ARHGEF18: variants seen among roughly 807,000 people sequenced by gnomAD.
The protein encoded by ARHGEF18 is rho guanine nucleotide exchange factor 18.
Under a neutral mutation model 155.7 loss-of-function variants are expected in ARHGEF18, and 93 were observed. The ratio of observed to expected loss-of-function variants is 0.60; its 90% CI spans 0.50 to 0.71. The LOEUF (loss-of-function observed/expected upper bound fraction) is 0.71. Ranked by LOEUF, ARHGEF18 falls within the 30% of genes least tolerant of loss-of-function variation. The pLI, the probability that ARHGEF18 is intolerant of heterozygous loss-of-function variation, is 0.00. For synonymous variants in ARHGEF18, 742 were observed against 753.1 expected, an observed-to-expected ratio of 0.99 and a Z score of 0.24; for missense variants, 1,593 against 1,816.1, an observed-to-expected ratio of 0.88 and a Z score of 2.23.
At chr19:7,445,289 T>G (rs1974917685) in intron 14 of ARHGEF18, among the ~76,000 whole-genome samples, 1 of 151,982 alleles carries the variant, frequency 6.6e-6, no homozygotes. Context: ...CTACAAAACA[T>G]GAAAATAAAT....
intron 2 of ARHGEF18, among the ~76,000 whole-genome samples, chr19:7,370,622 C>A (rs368095085): frequency 3.5e-4 from 54 of 152,302 alleles, no homozygotes; most frequent in African/African-American, 1.2e-3. Context: ...TATCTGCACA[C>A]TGATGTTGAT....
intron 10 of ARHGEF18, among the ~76,000 whole-genome samples, chr19:7,402,953 A>T (rs1972096493): frequency 6.6e-6 from 1 of 152,186 alleles, no homozygotes; most frequent in Non-Finnish European, 1.5e-5. Context: ...CAAATTTAAA[A>T]TTGGGATAAT....
chr19:7,426,489 A>G (rs1208174725), intron 10 of ARHGEF18, among the ~76,000 whole-genome samples: 8 of 150,596 alleles, frequency 5.3e-5, no homozygotes, highest in Non-Finnish European at 1.0e-4. Context: ...TCTGTCTCAA[A>G]AAAAAAAAAA....
At chr19:7,447,550 G>A (rs1975075929) in intron 15 of ARHGEF18, among the ~76,000 whole-genome samples, 1 of 152,010 alleles carries the variant, frequency 6.6e-6, no homozygotes, top group South Asian at 2.1e-4. Context: ...ATTCTTCACT[G>A]TGGGGTTTTT....
At chr19:7,443,549 C>G (rs1333806986) in intron 13 of ARHGEF18, among the ~76,000 whole-genome samples, 1 of 152,142 alleles carries the variant, frequency 6.6e-6, no homozygotes. Flanking sequence ...GGTTCTCTCC[C>G]CTTAGGACCT....
At chr19:7,416,530 CGTGTGTGTGTGTGTGTGTGTGTGTGTGT>C (rs71179108) in intron 10 of ARHGEF18, among the ~76,000 whole-genome samples, 2 of 105,910 alleles carry the variant, frequency 1.9e-5, no homozygotes, top group Admixed American at 1.1e-4. Context: ...GGAGAAAATT[CGTGTGTGTGTGTGTGTGTGTGTGTGTGT>C]GTGTGTGTGT....
At position 7,417,589 on chromosome 19, in the gene ARHGEF18, C is replaced by T. The variant is rs186057643; in HGVS notation, c.968-22755C>T. Reference sequence around the variant, plus strand: ...GCGCACGCCTGTAATCCCAGCTACTCGGGAGACTGAGGCATGACAATCACC... The same window carrying T: ...GCGCACGCCTGTAATCCCAGCTACTTGGGAGACTGAGGCATGACAATCACC... On this transcript the variant is annotated intron_variant, in intron 10 of 28. Coordinates refer to ENST00000668164, the MANE Select transcript of ARHGEF18 (RefSeq NM_001367823.1). Among the ~76,000 whole-genome samples, 197 of 152,164 alleles carry T rather than the reference C, an allele frequency of 1.3e-3. 1 individual carries two copies. The highest frequency in any genetic ancestry group is 1.5e-3 in the Non-Finnish European group (103 of 68,012).
intron 8 of ARHGEF18, 140 bp from the exon 9 acceptor site, chr19:7,382,652 G>A: frequency 2.3e-6 from 1 of 441,762 alleles, no homozygotes; most frequent in Non-Finnish European, 3.8e-6. Context: ...GAAGGAGGAA[G>A]TCAAGGGCCA....
In ARHGEF18 at chr19:7,444,058, A is replaced by G; in HGVS notation, c.1361-146A>G. The G allele has an allele frequency of 9.7e-7, 1 of 1,032,000 alleles. No individual in the cohort carries two copies. Among genetic ancestry groups the G allele is most frequent in the South Asian group, 1.7e-5 (1 of 60,538 alleles). 63.9% of individuals were successfully genotyped at this position (1,032,000 alleles called of 1,614,324 possible). ...GCATTCTAAACCCTGGACACCCTGGAAGTAAGAAAGATCCCAAAGGCACAA... is the reference window on the plus strand; with the variant it reads ...GCATTCTAAACCCTGGACACCCTGGGAGTAAGAAAGATCCCAAAGGCACAA... On this transcript the variant is annotated intron_variant, in intron 13 of 28. Coordinates refer to ENST00000668164, the MANE Select transcript of ARHGEF18 (RefSeq NM_001367823.1). This position sits in a 1 kb window ranked among gnomAD's most constrained non-coding sequence, Gnocchi z 4.7.
At chr19:7,478,811 G>A in the ARHGEF18 span, among the ~76,000 whole-genome samples, 2 of 152,238 alleles carry the variant, frequency 1.3e-5, no homozygotes, top group Non-Finnish European at 2.9e-5. Context: ...GTCCAAATCA[G>A]TGCCATGCCA....
chr19:7,398,733 T>TG (rs1568298109), intron 10 of ARHGEF18, among the ~76,000 whole-genome samples: 4 of 150,838 alleles, frequency 2.7e-5, no homozygotes, highest in African/African-American at 9.9e-5. Flanking sequence ...AAGAGATTCT[T>TG]TGGTTCCTTC....
chr19:7,436,580 A>T (rs1443087468), intron 10 of ARHGEF18, among the ~76,000 whole-genome samples: 2 of 152,060 alleles, frequency 1.3e-5, no homozygotes, highest in Non-Finnish European at 2.9e-5. Context: ...ACCCAGCCAG[A>T]TGCTATTTTT....
At chr19:7,355,855 C>G (rs897688237) in intron 1 of ARHGEF18, among the ~76,000 whole-genome samples, 7 of 152,158 alleles carry the variant, frequency 4.6e-5, no homozygotes, top group Admixed American at 2.0e-4. Context: ...TTCTCCAGGG[C>G]CCCCTGGAAT....
At chr19:7,362,355 G>C (rs1413369879) in intron 1 of ARHGEF18, among the ~76,000 whole-genome samples, 3 of 151,766 alleles carry the variant, frequency 2.0e-5, no homozygotes, top group Non-Finnish European at 4.4e-5. Context: ...AGGAGGAGGA[G>C]GAAAAACAAT....
At chr19:7,396,583 C>T (rs747815943) in intron 10 of ARHGEF18, among the ~76,000 whole-genome samples, 6 of 151,914 alleles carry the variant, frequency 3.9e-5, no homozygotes, top group Admixed American at 6.6e-5. Context: ...GGCATGGTAG[C>T]GGGCGCCTGT....
intron 10 of ARHGEF18, among the ~76,000 whole-genome samples, chr19:7,420,069 C>T (rs1973263006): frequency 6.6e-6 from 1 of 152,114 alleles, no homozygotes; most frequent in Admixed American, 6.5e-5. Flanking sequence ...CTGACGACAG[C>T]CTCAGGCCAG....
chr19:7,362,528 G>A (rs969379949), intron 1 of ARHGEF18, among the ~76,000 whole-genome samples: 1 of 152,154 alleles, frequency 6.6e-6, no homozygotes, highest in Non-Finnish European at 1.5e-5. Context: ...GAATCCTGAG[G>A]GGGCAAATGG....
At position 7,362,871 on chromosome 19, in the gene ARHGEF18, A is replaced by G. The variant is rs770250315; in HGVS notation, c.-20A>G. 36 of 1,234,222 alleles carry G rather than the reference A, an allele frequency of 2.9e-5. No homozygotes were observed. The highest frequency in any genetic ancestry group is 3.6e-5 in the Non-Finnish European group (36 of 988,152). The allele number at this position is 1,234,222 out of a possible 1,614,324, so 76.5% of individuals were successfully genotyped here. A position where few individuals can be genotyped will look rare whatever the true frequency, so the allele number is the denominator to read the frequency against. ...AGCAGTGGATCCTGGAAACCTGAGAACCCAGACTTCTTCTCTGCCATGGGG... is the reference window on the plus strand; with the variant it reads ...AGCAGTGGATCCTGGAAACCTGAGAGCCCAGACTTCTTCTCTGCCATGGGG... On this transcript the variant is annotated 5_prime_UTR_variant, in exon 2 of 29. Coordinates refer to ENST00000668164, the MANE Select transcript of ARHGEF18 (RefSeq NM_001367823.1).
At chr19:7,368,384 G>A (rs1322210772) in intron 2 of ARHGEF18, among the ~76,000 whole-genome samples, 4 of 152,194 alleles carry the variant, frequency 2.6e-5, no homozygotes, top group South Asian at 2.1e-4. Context: ...GCAGGGCAGC[G>A]TACGATGCTT....
Sources: allele counts gnomAD v4.1 joint callset (sites outside exome capture counted in the v4.1 genomes callset), GRCh38; gene constraint gnomAD v4.1.1; non-coding constraint Gnocchi (gnomAD v3.1); transcripts MANE v1.5; gene names NCBI Gene and HGNC (gene_info 2026-07-23, HGNC 2026-07-21).